CRHBP: variants seen among roughly 807,000 people sequenced by gnomAD.
CRHBP encodes corticotropin-releasing hormone-binding protein.
In CRHBP, 19 loss-of-function variants were observed where a neutral mutation model predicts 34.9. The observed-to-expected ratio is 0.55, with a 90% CI of 0.38 to 0.80. The LOEUF is 0.80. CRHBP is among the 30% of genes least tolerant of loss of function. The pLI is 0.00. For synonymous variants in CRHBP, 154 were observed against 153.4 expected, an observed-to-expected ratio of 1.00 and a Z score of -0.03; for missense variants, 328 against 409.2, an observed-to-expected ratio of 0.80 and a Z score of 1.71.
intron 2 of CRHBP, among the ~76,000 whole-genome samples, chr5:76,975,731 G>A (rs1440111811): frequency 7.1e-6 from 1 of 141,554 alleles, no homozygotes; most frequent in Non-Finnish European, 1.5e-5. Flanking sequence ...TTGAACCCGG[G>A]AGGCAGAGGT....
chr5:76,958,928 C>T (rs1745732384), intron 5 of CRHBP, 39 bp downstream of exon 5: 1 of 1,605,626 alleles, frequency 6.2e-7, no homozygotes, highest in Middle Eastern at 1.7e-4. Flanking sequence ...TTGATAAGGC[C>T]ACAACTTTAT....
At chr5:76,972,215 A>G (rs1057206537), downstream of CRHBP, among the ~76,000 whole-genome samples, 1 of 151,796 alleles carries the variant, frequency 6.6e-6, no homozygotes, top group African/African-American at 2.4e-5. Flanking sequence ...AAAAAAAATT[A>G]TAGGCTGGGC....
At chr5:76,976,877 G>A (rs769595946) in intron 3 of CRHBP, among the ~76,000 whole-genome samples, 5 of 152,044 alleles carry the variant, frequency 3.3e-5, no homozygotes, top group African/African-American at 4.8e-5. Flanking sequence ...TCTTGAAATG[G>A]CTTTACCTCT....
Position 76,968,916 on chromosome 5 carries a change from G to A in CRHBP, c.*31G>A. ...CAACCCAGTGATTTACATGCTGATA[G>A]CTAAGTGAGTTTTTAATGGCCATTG... On this transcript the variant is annotated 3_prime_UTR_variant, in exon 7 of 7. Transcript: ENST00000274368. 2.5e-6 allele frequency: 4 copies of A among 1,599,774 alleles called. No individual in the cohort carries two copies. The highest frequency in any genetic ancestry group is 3.4e-6 in the Non-Finnish European group (4 of 1,170,840).
chr5:76,975,876 A>G (rs1298109135), intron 2 of CRHBP, among the ~76,000 whole-genome samples: 5 of 137,756 alleles, frequency 3.6e-5, no homozygotes, highest in African/African-American at 1.1e-4. Flanking sequence ...ACACATATAC[A>G]TGCATATATA....
At chr5:76,960,823 C>T (rs191817319) in intron 5 of CRHBP, among the ~76,000 whole-genome samples, 2 of 151,676 alleles carry the variant, frequency 1.3e-5, no homozygotes, top group African/African-American at 4.8e-5. Flanking sequence ...GGAGTGCAGA[C>T]ATGCAGTCTC....
chr5:76,966,939 C>T (rs7721519), intron 6 of CRHBP, among the ~76,000 whole-genome samples: 75,359 of 152,034 alleles, frequency 0.5, 20,517 homozygotes, highest in African/African-American at 0.73. Flanking sequence ...GACCTCCAAA[C>T]TGTTTAATGA....
At chr5:76,956,724 CAAA>C (rs5868846) in intron 4 of CRHBP, among the ~76,000 whole-genome samples, 1 of 98,160 alleles carries the variant, frequency 1.0e-5, no homozygotes. Context: ...ACTCTTGTCT[CAAA>C]AAAAAAAAAA....
At chr5:76,964,309 G>A (rs1277888874) in intron 6 of CRHBP, among the ~76,000 whole-genome samples, 2 of 152,172 alleles carry the variant, frequency 1.3e-5, no homozygotes, top group Non-Finnish European at 2.9e-5. Flanking sequence ...TCTAATCTCA[G>A]TTAATTCTTA....
intron 5 of CRHBP, 95 bp downstream of exon 5, chr5:76,958,984 T>C: frequency 1.5e-6 from 2 of 1,340,132 alleles, no homozygotes. Context: ...ACTAGCAAAT[T>C]GGCGTAGTAC....
At chr5:76,969,934 C>CTTTTTTTT (rs201228247), downstream of CRHBP, among the ~76,000 whole-genome samples, 14 of 61,632 alleles carry the variant, frequency 2.3e-4, 1 homozygote, top group Admixed American at 2.5e-4. Context: ...AAAGAAAATT[C>CTTTTTTTT]TTTTTTTTTT....
chr5:76,975,174 C>T lies in CRHBP; in HGVS notation n.312-1191C>T, dbSNP rs968850962. On this transcript the variant is annotated intron_variant and non_coding_transcript_variant, in intron 2 of 3. Coordinates refer to the CRHBP transcript ENST00000514258. Reference sequence around the variant, plus strand: ...AAGAAAACATGTCTTGTGTTATTAACGGTTCAGATGTAATCAAGCCAGCCA... The same window carrying T: ...AAGAAAACATGTCTTGTGTTATTAATGGTTCAGATGTAATCAAGCCAGCCA... Among the ~76,000 whole-genome samples, 7 of 152,248 alleles carry T rather than the reference C, an allele frequency of 4.6e-5. No individual in the cohort carries two copies. The East Asian group carries it at 5.8e-4, about 13-fold the overall frequency.
Position 76,953,621 on chromosome 5 carries a change from C to T in CRHBP, c.102C>T (p.Tyr34=), listed in dbSNP as rs1410391690. The change falls in exon 2 of 7, where the codon TAC becomes TAT. Residue 34 remains tyrosine (Y), a synonymous_variant. Coordinates refer to ENST00000274368, the MANE Select transcript of CRHBP (RefSeq NM_001882.4). Reference sequence around the variant, plus strand: ...GCCAGCTGAGGGAAGCGGCGGACTACGATCCTTTCCTGCTCTTCAGCGCCA... The same window carrying T: ...GCCAGCTGAGGGAAGCGGCGGACTATGATCCTTTCCTGCTCTTCAGCGCCA... ...RYLELREAAD[Y]DPFLLFSANL... is the part of the protein sequence containing the mutation. 2.5e-6 allele frequency: 4 copies of T among 1,612,756 alleles called. No homozygotes were observed. The highest frequency in any genetic ancestry group is 3.4e-6 in the Non-Finnish European group (4 of 1,179,582).
At chr5:76,958,398 G>A (rs1019395067) in intron 4 of CRHBP, among the ~76,000 whole-genome samples, 5 of 152,100 alleles carry the variant, frequency 3.3e-5, no homozygotes, top group Admixed American at 2.0e-4. Flanking sequence ...GCTTTAAGCT[G>A]GACTCTAGTT....
rs1365023041 is a variant in CRHBP, at chr5:76,954,015, C to T, written c.176-14C>T. The T allele has an allele frequency of 6.2e-7, 1 of 1,606,402 alleles. No individual in the cohort carries two copies. Among genetic ancestry groups the T allele is most frequent in the Non-Finnish European group, 8.5e-7 (1 of 1,176,562 alleles). On this transcript the variant is annotated splice_polypyrimidine_tract_variant and intron_variant, in intron 2 of 6. Transcript: ENST00000274368. ...GCAGCCCGGGACTTATTGCCCCATG[C>T]CCTCCTCCCCCAGGGTGCCTGGACA...
intron 3 of CRHBP, among the ~76,000 whole-genome samples, chr5:76,979,498 G>A (rs1278562933): frequency 6.6e-6 from 1 of 151,990 alleles, no homozygotes; most frequent in Non-Finnish European, 1.5e-5. Context: ...TTACAGGCAC[G>A]TGCCACCGCA....
chr5:76,954,544 A>C (rs1389424177), intron 3 of CRHBP, among the ~76,000 whole-genome samples: 2 of 151,792 alleles, frequency 1.3e-5, no homozygotes, highest in Non-Finnish European at 2.9e-5. Flanking sequence ...AATGATTAAA[A>C]CCCAACAAGC....
At chr5:76,953,750 T>TGCCCCCCGCACAGA in intron 2 of CRHBP, 56 bp downstream of exon 2, 1 of 1,514,152 alleles carries the variant, frequency 6.6e-7, no homozygotes, top group Non-Finnish European at 9.0e-7. Flanking sequence ...GGTGGGACTC[T>TGCCCCCCGCACAGA]GTGCGGGGGG....
At chr5:76,956,080 A>T (rs576222851) in intron 4 of CRHBP, among the ~76,000 whole-genome samples, 1 of 152,372 alleles carries the variant, frequency 6.6e-6, no homozygotes, top group East Asian at 1.9e-4. Flanking sequence ...ATACTAATTT[A>T]TGAAGAGTAC....
Sources: allele counts gnomAD v4.1 joint callset (sites outside exome capture counted in the v4.1 genomes callset), GRCh38; gene constraint gnomAD v4.1.1; transcripts MANE v1.5; gene names NCBI Gene and HGNC (gene_info 2026-07-23, HGNC 2026-07-21).